CCDC68: variants seen among roughly 807,000 people sequenced by gnomAD.
CCDC68 encodes coiled-coil domain containing 68.
CCDC68 carries 45 observed loss-of-function variants against 47.1 expected under a neutral mutation model. That is an observed-to-expected ratio of 0.96 (90% CI 0.75 to 1.23). CCDC68 has a LOEUF of 1.23. CCDC68 is among the 50% of genes most tolerant of loss of function. CCDC68 has a pLI of 0.00. For synonymous variants in CCDC68, 131 were observed against 129.5 expected (o/e 1.01, Z -0.08); for missense variants, 353 against 373.6 (o/e 0.94, Z 0.45).
At chr18:54,916,516 C>T (rs1205524404) in intron 10 of CCDC68, among the ~76,000 whole-genome samples, 1 of 152,060 alleles carries the variant, frequency 6.6e-6, no homozygotes, top group Non-Finnish European at 1.5e-5. Context: ...TGGCAGGTGA[C>T]AATTGGCAGA....
At chr18:54,939,026 T>C (rs563593764) in intron 4 of CCDC68, among the ~76,000 whole-genome samples, 18 of 152,332 alleles carry the variant, frequency 1.2e-4, no homozygotes, top group African/African-American at 3.6e-4. Flanking sequence ...CCTAAGGTTT[T>C]ACCTAAAGTA....
chr18:54,958,434 A>G (rs1568169995), intron 1 of CCDC68, among the ~76,000 whole-genome samples: 2 of 152,212 alleles, frequency 1.3e-5, no homozygotes, highest in Admixed American at 1.3e-4. Flanking sequence ...AATCAAAAGA[A>G]CAGATTATCT....
chr18:54,916,726 C>T (rs2043959392), intron 10 of CCDC68, among the ~76,000 whole-genome samples: 1 of 152,144 alleles, frequency 6.6e-6, no homozygotes, highest in Non-Finnish European at 1.5e-5. Flanking sequence ...CAGCAGAGGA[C>T]AGCAGCTGAG....
Position 54,931,842 on chromosome 18 carries a change from C to G in CCDC68, c.601-2960G>C, listed in dbSNP as rs185088596. 1.3e-4 allele frequency among the ~76,000 whole-genome samples: 20 copies of G among 152,254 alleles called. No individual in the cohort carries two copies. In the East Asian group the frequency reaches 3.9e-3, roughly 29 times the overall value. On this transcript the variant is annotated intron_variant, in intron 7 of 11. Coordinates refer to ENST00000591504, the MANE Select transcript of CCDC68 (RefSeq NM_025214.3). ...TTTAAGTAATATGTTCATTACCAGA[C>G]CTCATACTACTAATGGCTATTTACT...
chr18:54,941,272 A>G (rs1020962655), intron 3 of CCDC68, among the ~76,000 whole-genome samples, 189 bp from the exon 4 acceptor site: 1 of 152,206 alleles, frequency 6.6e-6, no homozygotes, highest in Admixed American at 6.6e-5. Context: ...AGATTGCTGA[A>G]GGTAAGCATT....
At chr18:54,950,796 A>C (rs62091553) in intron 1 of CCDC68, among the ~76,000 whole-genome samples, 34,389 of 144,026 alleles carry the variant, frequency 0.24, 5,814 homozygotes, top group African/African-American at 0.36. Flanking sequence ...GTGTATATAT[A>C]TATATATGAT....
chr18:54,904,304 G>T lies in CCDC68; in HGVS notation c.*54C>A. The T allele has an allele frequency of 7.1e-7, 1 of 1,404,286 alleles. No individual in the cohort carries two copies. The highest frequency in any genetic ancestry group is 1.2e-5 in the South Asian group (1 of 84,844). The allele number at this position is 1,404,286 out of a possible 1,614,324, so 87.0% of individuals were successfully genotyped here. ...AACATGAAACTTGGGCTGTGTTTCA[G>T]AGAATAAATAAGACTCACGCAGTCT... On this transcript the variant is annotated 3_prime_UTR_variant, in exon 12 of 12. Coordinates refer to ENST00000591504, the MANE Select transcript of CCDC68 (RefSeq NM_025214.3).
At chr18:54,950,677 A>G (rs1019374323) in intron 1 of CCDC68, among the ~76,000 whole-genome samples, 1 of 151,904 alleles carries the variant, frequency 6.6e-6, no homozygotes, top group Middle Eastern at 3.2e-3. Context: ...TTGTGTAAAC[A>G]CAATATATAA....
At chr18:54,905,953 C>T (rs942723916) in intron 11 of CCDC68, among the ~76,000 whole-genome samples, 1 of 152,146 alleles carries the variant, frequency 6.6e-6, no homozygotes, top group Non-Finnish European at 1.5e-5. Context: ...GTTGCGTGCT[C>T]CTTATGAGAA....
rs1419202527 is a variant in CCDC68, at chr18:54,934,963, T to C, written c.472-15A>G. 6.4e-7 allele frequency: 1 copy of C among 1,562,616 alleles called. No homozygotes were observed. The highest frequency in any genetic ancestry group is 1.4e-5 in the African/African-American group (1 of 72,302). Reference sequence around the variant, plus strand: ...AGCTTGTTAACCTATGGTCAGAGAATCAGTTGTGTTGTGAAAACTCTGTTT... The same window carrying C: ...AGCTTGTTAACCTATGGTCAGAGAACCAGTTGTGTTGTGAAAACTCTGTTT... On this transcript the variant is annotated splice_polypyrimidine_tract_variant and intron_variant, in intron 6 of 11. Transcript: ENST00000591504.
chr18:54,928,894 T>A lies in CCDC68; in HGVS notation c.601-12A>T. 2 of 1,555,028 alleles carry A rather than the reference T, an allele frequency of 1.3e-6. No individual in the cohort carries two copies. The highest frequency in any genetic ancestry group is 1.8e-6 in the Non-Finnish European group (2 of 1,127,124). ...AGTGTTCTCTTTTCCTAGGAGAAAA[T>A]AAGATACAAATTTTGCTAAACTGCA... On this transcript the variant is annotated splice_polypyrimidine_tract_variant and intron_variant, in intron 7 of 11. Transcript: ENST00000591504.
intron 1 of CCDC68, among the ~76,000 whole-genome samples, chr18:54,949,152 C>A (rs1003549048): frequency 2.6e-5 from 4 of 152,146 alleles, no homozygotes; most frequent in Non-Finnish European, 5.9e-5. Flanking sequence ...CATCACTAAA[C>A]CCAGCTAATT....
chr18:54,907,483 C>T (rs1216116741), intron 11 of CCDC68, among the ~76,000 whole-genome samples: 1 of 151,872 alleles, frequency 6.6e-6, no homozygotes, highest in African/African-American at 2.4e-5. Flanking sequence ...AGAAGAAAGA[C>T]AATAAAGGAG....
At chr18:54,953,891 T>C (rs941695954) in intron 1 of CCDC68, among the ~76,000 whole-genome samples, 1 of 152,116 alleles carries the variant, frequency 6.6e-6, no homozygotes, top group African/African-American at 2.4e-5. Context: ...GTTTTCATTC[T>C]TCATATTTGT....
chr18:54,913,145 C>A (rs746980936), intron 10 of CCDC68, among the ~76,000 whole-genome samples: 20 of 152,220 alleles, frequency 1.3e-4, no homozygotes, highest in Non-Finnish European at 1.2e-4. Flanking sequence ...TTTAAACAGG[C>A]TGCTTAACTT....
At chr18:54,922,971 G>A (rs2044086042) in intron 8 of CCDC68, among the ~76,000 whole-genome samples, 1 of 111,592 alleles carries the variant, frequency 9.0e-6, no homozygotes, top group Non-Finnish European at 1.6e-5. Context: ...CTGGGTGACA[G>A]AGCAAGACTC....
chr18:54,937,545 T>C (rs2044369328), intron 5 of CCDC68: 1 of 153,856 alleles, frequency 6.5e-6, no homozygotes. Flanking sequence ...GACATTTGAC[T>C]ATGAAGGCTA....
chr18:54,949,467 TC>T (rs1431152951), intron 1 of CCDC68, among the ~76,000 whole-genome samples: 1 of 152,108 alleles, frequency 6.6e-6, no homozygotes, highest in East Asian at 1.9e-4. Flanking sequence ...CTATTACGGA[TC>T]CCCCAGGATT....
At position 54,901,865 on chromosome 18, in the gene CCDC68, A is replaced by G. The variant is rs996800377; in HGVS notation, c.*2493T>C. 2.0e-5 allele frequency: 3 copies of G among 151,678 alleles called. No homozygotes were observed. Among genetic ancestry groups the G allele is most frequent in the South Asian group, 2.1e-4 (1 of 4,792 alleles). The allele number at this position is 151,678 out of a possible 1,614,324, so 9.4% of individuals were successfully genotyped here. A position where few individuals can be genotyped will look rare whatever the true frequency, so the allele number is the denominator to read the frequency against. ...CTGAATAAATATTATTCCCCCTTGTAATCTTGTTTTTTCACTGAGAAGTGT... is the reference window on the plus strand; with the variant it reads ...CTGAATAAATATTATTCCCCCTTGTGATCTTGTTTTTTCACTGAGAAGTGT... On this transcript the variant is annotated 3_prime_UTR_variant, in exon 12 of 12. Coordinates refer to ENST00000591504, the MANE Select transcript of CCDC68 (RefSeq NM_025214.3).
Sources: allele counts gnomAD v4.1 joint callset (sites outside exome capture counted in the v4.1 genomes callset), GRCh38; gene constraint gnomAD v4.1.1; transcripts MANE v1.5; gene names NCBI Gene and HGNC (gene_info 2026-07-23, HGNC 2026-07-21).